TFEC: variants seen among roughly 807,000 people sequenced by gnomAD.
TFEC encodes class E basic helix-loop-helix protein 34.
Under a neutral mutation model 41.6 loss-of-function variants are expected in TFEC, and 31 were observed. The ratio of observed to expected loss-of-function variants is 0.74; its 90% CI spans 0.56 to 1.01. The LOEUF (loss-of-function observed/expected upper bound fraction) is 1.01, where lower values mean the gene tolerates loss of function less well. Among genes scored for constraint, TFEC ranks in the 50% least tolerant of loss-of-function variants. The pLI, the probability that TFEC is intolerant of heterozygous loss-of-function variation, is 0.00. For missense variants in TFEC, 402 were observed against 404.1 expected, an observed-to-expected ratio of 0.99 and a Z score of 0.04; for synonymous variants, 143 against 140.6, an observed-to-expected ratio of 1.02 and a Z score of -0.12.
intron 3 of TFEC, among the ~76,000 whole-genome samples, chr7:116,095,617 T>C (rs1255779972): frequency 1.3e-5 from 2 of 152,210 alleles, no homozygotes; most frequent in African/African-American, 4.8e-5. Flanking sequence ...TAGCCTTTTA[T>C]ATTTTGAACT....
chr7:116,034,086 G>A (rs145189362), upstream of TFEC, among the ~76,000 whole-genome samples: 290 of 152,100 alleles, frequency 1.9e-3, 2 homozygotes, highest in African/African-American at 6.7e-3. Flanking sequence ...TGCCTTTAAT[G>A]CCCTTTTTAT....
chr7:116,055,420 A>G (rs1796406313), intron 3 of TFEC, among the ~76,000 whole-genome samples: 1 of 152,106 alleles, frequency 6.6e-6, no homozygotes, highest in Non-Finnish European at 1.5e-5. Flanking sequence ...TGTATTAAAG[A>G]GAATAGAAAT....
intron 5 of TFEC, among the ~76,000 whole-genome samples, chr7:115,953,011 A>C (rs1172173826): frequency 1.3e-5 from 2 of 152,032 alleles, no homozygotes; most frequent in African/African-American, 4.8e-5. Context: ...CATCCTCCTG[A>C]AGACAGAACA....
chr7:116,075,786 C>T (rs545013829), intron 3 of TFEC, among the ~76,000 whole-genome samples: 4 of 152,294 alleles, frequency 2.6e-5, no homozygotes, highest in South Asian at 2.1e-4. Context: ...TGGTCTTTCT[C>T]TACCTGCCCT....
intron 1 of TFEC, among the ~76,000 whole-genome samples, chr7:116,120,589 C>A (rs1031621643): frequency 2.6e-5 from 4 of 151,976 alleles, no homozygotes; most frequent in African/African-American, 9.7e-5. Context: ...CAGCTCCCTG[C>A]ATCATTTTCT....
chr7:116,005,411 T>C (rs954794090), intron 1 of TFEC, among the ~76,000 whole-genome samples: 6 of 152,142 alleles, frequency 3.9e-5, no homozygotes, highest in African/African-American at 1.4e-4. Flanking sequence ...GAGGAACTTG[T>C]TGGGAACTGG....
At chr7:116,090,172 T>G (rs1450234004) in intron 3 of TFEC, among the ~76,000 whole-genome samples, 1 of 152,188 alleles carries the variant, frequency 6.6e-6, no homozygotes, top group East Asian at 1.9e-4. Flanking sequence ...GATTGGTTGA[T>G]TTTTGCAACC....
In TFEC at chr7:115,973,627, G is replaced by A. The variant is rs1470340533; in HGVS notation, c.267+543C>T. Among the ~76,000 whole-genome samples the A allele has an allele frequency of 2.0e-5, 3 of 152,006 alleles. No homozygotes were observed. The East Asian group carries it at 5.8e-4, about 29-fold the overall frequency. On this transcript the variant is annotated intron_variant, in intron 3 of 7. Transcript: ENST00000265440. ...CCTTCATATTGCAGGAATTTGTACT[G>A]ATTTCAACATAGAAGTCTTTCTACA... is the stretch of plus-strand genomic sequence containing the variant.
At chr7:116,119,072 A>C (rs1398688130) in intron 1 of TFEC, among the ~76,000 whole-genome samples, 1 of 151,940 alleles carries the variant, frequency 6.6e-6, no homozygotes, top group Non-Finnish European at 1.5e-5. Flanking sequence ...ATCTTTAGAA[A>C]GTCAATGAAA....
chr7:115,968,112 T>C, intron 3 of TFEC: 1 of 1,416,174 alleles, frequency 7.1e-7, no homozygotes, highest in Non-Finnish European at 9.3e-7. Flanking sequence ...TATAAGTTTA[T>C]AAAGTTTAAA....
At chr7:116,004,443 T>G (rs1277751651) in intron 1 of TFEC, among the ~76,000 whole-genome samples, 1 of 152,168 alleles carries the variant, frequency 6.6e-6, no homozygotes, top group East Asian at 1.9e-4. Flanking sequence ...TAATGTAAAC[T>G]ATGGTCTTTG....
chr7:116,000,580 A>T (rs1353299172), intron 1 of TFEC, among the ~76,000 whole-genome samples: 1 of 152,218 alleles, frequency 6.6e-6, no homozygotes, highest in Non-Finnish European at 1.5e-5. Flanking sequence ...TAGAACTGAT[A>T]AATTCAGTAA....
rs17138209 is a variant in TFEC, at chr7:115,983,453, A to G, written c.180+809T>C. On this transcript the variant is annotated intron_variant, in intron 2 of 7. Transcript: ENST00000265440. ...TAAGCATTGACCTGAAATCGGCAAT[A>G]AACACCAGGAATGTAGATTGGGAGA... Among the ~76,000 whole-genome samples the G allele has an allele frequency of 9.8e-3, 1,490 of 152,274 alleles. 54 individuals are homozygous for G. In the East Asian group the frequency reaches 0.12, roughly 12 times the overall value.
chr7:116,049,843 C>T (rs1796265269), intron 3 of TFEC, among the ~76,000 whole-genome samples: 1 of 152,180 alleles, frequency 6.6e-6, no homozygotes, highest in Non-Finnish European at 1.5e-5. Context: ...AACCACACAA[C>T]TACATGGAAA....
At chr7:116,093,320 A>G (rs1467137299) in intron 3 of TFEC, among the ~76,000 whole-genome samples, 1 of 152,286 alleles carries the variant, frequency 6.6e-6, no homozygotes, top group East Asian at 1.9e-4. Flanking sequence ...TAAAAACGAG[A>G]ACAAATATTT....
chr7:115,988,205 T>C (rs2130699611), intron 1 of TFEC, among the ~76,000 whole-genome samples: 1 of 152,132 alleles, frequency 6.6e-6, no homozygotes, highest in Non-Finnish European at 1.5e-5. Flanking sequence ...CTAAAAAACA[T>C]GGTTTGAAGA....
chr7:115,969,169 T>C (rs1297792581), intron 3 of TFEC, among the ~76,000 whole-genome samples: 1 of 151,848 alleles, frequency 6.6e-6, no homozygotes, highest in Non-Finnish European at 1.5e-5. Context: ...GATGTGTTAG[T>C]CACTATGCTG....
At chr7:116,114,394 A>C (rs1477888712) in intron 1 of TFEC, among the ~76,000 whole-genome samples, 1 of 109,610 alleles carries the variant, frequency 9.1e-6, no homozygotes, top group East Asian at 3.5e-4. Context: ...AAACAAAAAT[A>C]AAACAAAATA....
At chr7:115,989,518 T>C (rs1013575075) in intron 1 of TFEC, among the ~76,000 whole-genome samples, 6 of 152,162 alleles carry the variant, frequency 3.9e-5, no homozygotes, top group South Asian at 2.1e-4. Context: ...TGACAGACAG[T>C]ACCTGGAAAA....
Sources: gnomAD v4.1 joint callset for allele counts (sites outside exome capture counted in the v4.1 genomes callset) on GRCh38, gnomAD v4.1.1 for gene constraint, MANE v1.5 for transcripts, NCBI Gene and HGNC (gene_info 2026-07-23, HGNC 2026-07-21) for gene names.